The following ATP13A4 variants were observed in gnomAD, a reference collection of about 807,000 sequenced individuals.
ATP13A4 encodes the protein probable cation-transporting ATPase 13A4.
Under a neutral mutation model 142.5 loss-of-function variants are expected in ATP13A4, and 114 were observed. The observed-to-expected ratio is 0.80, with a 90% CI of 0.69 to 0.93. The LOEUF is 0.93. Ranked by LOEUF, ATP13A4 falls within the 40% of genes least tolerant of loss-of-function variation. The pLI, the probability that ATP13A4 is intolerant of heterozygous loss-of-function variation, is 0.00. For synonymous variants in ATP13A4, 488 were observed against 514.8 expected (o/e 0.95, Z 0.70); for missense variants, 1,392 against 1,454.0 (o/e 0.96, Z 0.69).
At chr3:193,566,768 C>T (rs78355256) in intron 2 of ATP13A4, among the ~76,000 whole-genome samples, 4,057 of 152,222 alleles carry the variant, frequency 0.027, 139 homozygotes, top group African/African-American at 0.078. Flanking sequence ...CAAATGTCAC[C>T]CACAAAGCCT....
At chr3:193,559,365 T>A (rs1723967337), upstream of ATP13A4, among the ~76,000 whole-genome samples, 1 of 152,192 alleles carries the variant, frequency 6.6e-6, no homozygotes, top group Non-Finnish European at 1.5e-5. Context: ...GCTGACTCAG[T>A]CTTCCTCCTC....
chr3:193,482,443 G>A (rs1719349172), intron 8 of ATP13A4, among the ~76,000 whole-genome samples: 2 of 152,246 alleles, frequency 1.3e-5, no homozygotes, highest in South Asian at 4.1e-4. Context: ...AAAAATGTCT[G>A]CTCTTTGAAA....
chr3:193,538,892 CT>C (rs67132373), intron 1 of ATP13A4, among the ~76,000 whole-genome samples: 16,603 of 120,710 alleles, frequency 0.14, 638 homozygotes, highest in East Asian at 0.21. Flanking sequence ...TTGGTTTTTT[CT>C]TTTTTTTTTT....
intron 25 of ATP13A4, among the ~76,000 whole-genome samples, chr3:193,415,551 C>G (rs1405083709): frequency 1.3e-5 from 2 of 152,170 alleles, no homozygotes; most frequent in African/African-American, 4.8e-5. Flanking sequence ...GAGGGAGACC[C>G]TGGTCCCTGG....
intron 1 of ATP13A4, among the ~76,000 whole-genome samples, chr3:193,525,739 G>A (rs879906597): frequency 2.4e-4 from 36 of 152,092 alleles, no homozygotes; most frequent in South Asian, 2.1e-4. Context: ...ACACAAACAC[G>A]TCTCTCTCAA....
At chr3:193,465,221 CT>C in intron 11 of ATP13A4, 93 bp from the exon 12 acceptor site, 2 of 1,353,908 alleles carry the variant, frequency 1.5e-6, no homozygotes, top group East Asian at 5.0e-5. Context: ...GAGTTTTGCT[CT>C]TGTCGCCCAG....
rs181899906 is a variant in ATP13A4, at chr3:193,404,328, T to A, written c.3379-1464A>T. Among the ~76,000 whole-genome samples, 16 of 152,342 alleles carry A rather than the reference T, an allele frequency of 1.1e-4. No homozygotes were observed. The South Asian group carries it at 2.7e-3, about 26-fold the overall frequency. ...TCTACATCTTGCCTTCAGTGTTTTT[T>A]AGTTCTGGACTCTGATGACCTGTAT... is the stretch of plus-strand genomic sequence containing the variant. On this transcript the variant is annotated intron_variant, in intron 29 of 29. Transcript: ENST00000342695.
At chr3:193,441,418 A>C (rs752001978) in intron 20 of ATP13A4, 48 bp downstream of exon 20, 5 of 1,607,566 alleles carry the variant, frequency 3.1e-6, no homozygotes, top group Non-Finnish European at 4.3e-6. Flanking sequence ...TCTGTAAGTG[A>C]CATCATCAGC....
rs201285743 is a variant in ATP13A4, at chr3:193,433,856, A to G, written c.2831T>C (p.Ile944Thr). 246 of 1,612,578 alleles carry G rather than the reference A, an allele frequency of 1.5e-4. No homozygotes were observed. The highest frequency in any genetic ancestry group is 5.2e-4 in the Admixed American group (31 of 60,006). ...LFQDLAITTLIGVTMNLNGAY... is the reference protein window; with the variant it reads ...LFQDLAITTLTGVTMNLNGAY... ...TTAAAATGTCTTACTTGTTACACCA[A>G]TAAGAGTTGTAATGGCCAGATCCTG... Residue 944 changes from isoleucine to threonine, a missense_variant, in exon 25 of 30, where the codon ATT becomes ACT. Physicochemically the swap from Ile to Thr is moderately conservative, Grantham distance 89. Coordinates refer to ENST00000342695, the MANE Select transcript of ATP13A4 (RefSeq NM_032279.4).
Position 193,493,132 on chromosome 3 carries a change from C to A in ATP13A4, c.410G>T (p.Arg137Ile). 1 of 1,613,160 alleles carries A rather than the reference C, an allele frequency of 6.2e-7. No individual in the cohort carries two copies. The highest frequency in any genetic ancestry group is 1.1e-5 in the South Asian group (1 of 91,062). Residue 137 changes from arginine (R) to isoleucine (I), a missense_variant, in exon 4 of 30, where the codon AGA becomes ATA. Coordinates refer to ENST00000342695, the MANE Select transcript of ATP13A4 (RefSeq NM_032279.4). ...KVRCIKVQKI[R>I]YVWNYLEGQF... is the part of the protein sequence containing the mutation. ...TCCTTCTAAGTAGTTCCAAACATAT[C>A]TTATTTTCTGCACTTTGATGCATCT...
intron 8 of ATP13A4, among the ~76,000 whole-genome samples, chr3:193,479,326 C>T (rs1327414633): frequency 6.6e-6 from 1 of 152,126 alleles, no homozygotes; most frequent in African/African-American, 2.4e-5. Flanking sequence ...GGAAGTCAAA[C>T]TGTTGCTGTT....
At chr3:193,441,288 A>G (rs980125908) in intron 20 of ATP13A4, among the ~76,000 whole-genome samples, 178 bp downstream of exon 20, 1 of 152,166 alleles carries the variant, frequency 6.6e-6, no homozygotes, top group Non-Finnish European at 1.5e-5. Context: ...ATTTATTTCA[A>G]ATCTAGTAGG....
At chr3:193,552,760 G>C (rs1723653778) in intron 1 of ATP13A4, among the ~76,000 whole-genome samples, 2 of 152,190 alleles carry the variant, frequency 1.3e-5, no homozygotes, top group Non-Finnish European at 2.9e-5. Context: ...CGGTGCCTCA[G>C]CTCCTGGACT....
intron 1 of ATP13A4, among the ~76,000 whole-genome samples, chr3:193,543,422 A>G (rs1387215991): frequency 1.3e-5 from 2 of 152,216 alleles, no homozygotes; most frequent in Admixed American, 1.3e-4. Flanking sequence ...AAGGAACTTG[A>G]ACTTTTATAA....
chr3:193,506,503 A>G (rs1720867490), intron 2 of ATP13A4, among the ~76,000 whole-genome samples: 1 of 152,186 alleles, frequency 6.6e-6, no homozygotes, highest in Non-Finnish European at 1.5e-5. Flanking sequence ...AAACCTGGAC[A>G]TTTTTTATTT....
rs759038261 is a variant in ATP13A4, at chr3:193,412,374, A to C, written c.3015-3T>G. On this transcript the variant is annotated splice_polypyrimidine_tract_variant and splice_region_variant and intron_variant, in intron 26 of 29. Transcript: ENST00000342695. Reference sequence around the variant, plus strand: ...TTTCATTTTGTACTGTGCAGGCACTAAAAGGGAAAACCAAAGAAGCTAATG... The same window carrying C: ...TTTCATTTTGTACTGTGCAGGCACTCAAAGGGAAAACCAAAGAAGCTAATG... 7 of 1,613,738 alleles carry C rather than the reference A, an allele frequency of 4.3e-6. No homozygotes were observed. The highest frequency in any genetic ancestry group is 5.9e-6 in the Non-Finnish European group (7 of 1,179,800).
intron 25 of ATP13A4, among the ~76,000 whole-genome samples, chr3:193,432,469 G>T (rs895941828): frequency 1.3e-5 from 2 of 152,024 alleles, no homozygotes; most frequent in African/African-American, 4.8e-5. Flanking sequence ...ATTTACAGTT[G>T]CCCAAACTTG....
At chr3:193,520,747 C>T (rs1303051197) in intron 1 of ATP13A4, among the ~76,000 whole-genome samples, 1 of 152,200 alleles carries the variant, frequency 6.6e-6, no homozygotes, top group East Asian at 1.9e-4. Flanking sequence ...TGACTACTGG[C>T]ATGCAGCTGA....
chr3:193,520,125 A>G (rs1274612950), intron 1 of ATP13A4, among the ~76,000 whole-genome samples: 1 of 152,176 alleles, frequency 6.6e-6, no homozygotes, highest in African/African-American at 2.4e-5. Context: ...ATCAATCAAT[A>G]TATAAATGAG....
Sources: allele counts gnomAD v4.1 joint callset (sites outside exome capture counted in the v4.1 genomes callset), GRCh38; gene constraint gnomAD v4.1.1; transcripts MANE v1.5; gene names NCBI Gene and HGNC (gene_info 2026-07-23, HGNC 2026-07-21).